TM9SF2: variants seen among roughly 807,000 people sequenced by gnomAD.
The protein encoded by TM9SF2 is transmembrane 9 superfamily member 2, also known as 76 kDa membrane protein.
In TM9SF2, 13 loss-of-function variants were observed where a neutral mutation model predicts 84.9. The ratio of observed to expected loss-of-function variants is 0.15; its 90% CI spans 0.10 to 0.24. TM9SF2 has a LOEUF of 0.24. Ranked by LOEUF, TM9SF2 falls within the 10% of genes least tolerant of loss-of-function variation. TM9SF2 has a pLI of 1.00. For synonymous variants in TM9SF2, 273 were observed against 285.8 expected (o/e 0.96, Z 0.45); for missense variants, 562 against 818.5 (o/e 0.69, Z 3.82).
intron 1 of TM9SF2, among the ~76,000 whole-genome samples, chr13:99,505,446 C>T (rs1314913057): frequency 1.3e-5 from 2 of 152,212 alleles, no homozygotes; most frequent in Non-Finnish European, 2.9e-5. Context: ...TGAGCCACCA[C>T]GCCCAGCCTG....
At chr13:99,525,421 T>C (rs1004269923) in intron 3 of TM9SF2, among the ~76,000 whole-genome samples, 2 of 152,112 alleles carry the variant, frequency 1.3e-5, no homozygotes, top group South Asian at 2.1e-4. Flanking sequence ...TTTGTATTTT[T>C]AGTAGGGACA....
At chr13:99,540,017 G>C (rs2046251306) in intron 7 of TM9SF2, among the ~76,000 whole-genome samples, 1 of 152,024 alleles carries the variant, frequency 6.6e-6, no homozygotes, top group Non-Finnish European at 1.5e-5. Context: ...GAGAATCTTA[G>C]TATTCTACCT....
In TM9SF2 at chr13:99,517,525, A is replaced by G. The variant is rs938572194; in HGVS notation, c.172-89A>G. 56 of 770,746 alleles carry G rather than the reference A, an allele frequency of 7.3e-5. No homozygotes were observed. The Admixed American group carries it at 1.6e-3, about 23-fold the overall frequency. The allele number at this position is 770,746 out of a possible 1,614,324, so 47.7% of individuals were successfully genotyped here. A position where few individuals can be genotyped will look rare whatever the true frequency, so the allele number is the denominator to read the frequency against. ...GGAATTATAACATTTTACATTTCAG[A>G]CATGTCAAATTCTTTTTTAATTCTA... is the stretch of plus-strand genomic sequence containing the variant. On this transcript the variant is annotated intron_variant, in intron 1 of 16. Transcript: ENST00000376387.
chr13:99,532,512 A>C (rs1206887207), intron 4 of TM9SF2, among the ~76,000 whole-genome samples: 3 of 151,990 alleles, frequency 2.0e-5, no homozygotes, highest in Non-Finnish European at 4.4e-5. Flanking sequence ...CAACATGGCG[A>C]AACCCCATCT....
At chr13:99,516,502 T>C (rs1306881783) in intron 1 of TM9SF2, among the ~76,000 whole-genome samples, 1 of 152,234 alleles carries the variant, frequency 6.6e-6, no homozygotes, top group East Asian at 1.9e-4. Flanking sequence ...TGCTGGCTTC[T>C]TCAGCTAGTA....
intron 10 of TM9SF2, among the ~76,000 whole-genome samples, chr13:99,545,957 A>C (rs1009983412): frequency 6.6e-6 from 1 of 152,228 alleles, no homozygotes; most frequent in Non-Finnish European, 1.5e-5. Context: ...TAAGGAAGGA[A>C]AGTTTCAGAG....
chr13:99,521,931 T>G (rs1384990653), intron 3 of TM9SF2, among the ~76,000 whole-genome samples: 2 of 152,192 alleles, frequency 1.3e-5, no homozygotes, highest in African/African-American at 2.4e-5. Context: ...TGTCCTGAAC[T>G]TCTGGCTTCA....
rs377443220 is a variant in TM9SF2, at chr13:99,529,506, A to G, written c.373A>G (p.Thr125Ala). The change falls in exon 4 of 17, where the codon ACA becomes GCA. Residue 125 changes from threonine (T) to alanine (A), a missense_variant. Coordinates refer to ENST00000376387, the MANE Select transcript of TM9SF2 (RefSeq NM_004800.3). ...GAAGGAGACCTGTAAGCTTGTTTGT[A>G]CAAAAACATACCATACAGAGAAAGC... ...NKKETCKLVC[T>A]KTYHTEKAED... The G allele has an allele frequency of 5.1e-5, 81 of 1,591,814 alleles. 1 individual carries two copies. In the South Asian group the frequency reaches 6.6e-4, roughly 13 times the overall value.
intron 15 of TM9SF2, among the ~76,000 whole-genome samples, chr13:99,559,016 T>C (rs560723003): frequency 1.3e-5 from 2 of 152,370 alleles, no homozygotes; most frequent in East Asian, 1.9e-4. Context: ...GTAGTATTAA[T>C]GTCGAGCCCT....
At chr13:99,542,916 A>G (rs186928590) in intron 9 of TM9SF2, among the ~76,000 whole-genome samples, 87 of 152,232 alleles carry the variant, frequency 5.7e-4, no homozygotes, top group Admixed American at 3.9e-3. Flanking sequence ...CAGAAGTCAG[A>G]TCATTTCACT....
At chr13:99,528,314 C>T (rs2139086859) in intron 3 of TM9SF2, among the ~76,000 whole-genome samples, 1 of 152,300 alleles carries the variant, frequency 6.6e-6, no homozygotes, top group Middle Eastern at 3.4e-3. Context: ...AGTTGTGTGA[C>T]TTGGTGCTCC....
intron 3 of TM9SF2, among the ~76,000 whole-genome samples, chr13:99,528,794 C>T (rs2046195272): frequency 6.6e-6 from 1 of 152,208 alleles, no homozygotes; most frequent in Non-Finnish European, 1.5e-5. Context: ...AGCTGCTTCA[C>T]TGCACCTGCT....
chr13:99,504,764 C>T (rs2046081550), intron 1 of TM9SF2, among the ~76,000 whole-genome samples: 1 of 152,146 alleles, frequency 6.6e-6, no homozygotes, highest in Non-Finnish European at 1.5e-5. Context: ...TCATGGCCTC[C>T]TTTTTTTAAC....
At chr13:99,516,585 G>T (rs1392910866) in intron 1 of TM9SF2, among the ~76,000 whole-genome samples, 1 of 152,144 alleles carries the variant, frequency 6.6e-6, no homozygotes, top group African/African-American at 2.4e-5. Flanking sequence ...TAGGACTTCA[G>T]CTACACCTGG....
At chr13:99,529,831 A>T (rs977472265) in intron 4 of TM9SF2, among the ~76,000 whole-genome samples, 1 of 152,214 alleles carries the variant, frequency 6.6e-6, no homozygotes, top group African/African-American at 2.4e-5. Context: ...TTCTTTTGAT[A>T]CATAGATCTG....
At chr13:99,560,570 C>T (rs1271069321) in intron 16 of TM9SF2, among the ~76,000 whole-genome samples, 4 of 152,178 alleles carry the variant, frequency 2.6e-5, no homozygotes, top group African/African-American at 9.7e-5. Context: ...TAATTTATTC[C>T]TAGCCTACAC....
At chr13:99,543,111 T>C (rs2139100283) in intron 9 of TM9SF2, among the ~76,000 whole-genome samples, 1 of 152,338 alleles carries the variant, frequency 6.6e-6, no homozygotes, top group South Asian at 2.1e-4. Context: ...CTGTTTTATC[T>C]GCTAAGAAGG....
At position 99,539,510 on chromosome 13, in the gene TM9SF2, G is replaced by T. The variant is rs1434656642; in HGVS notation, c.781G>T (p.Ala261Ser). 1 of 1,613,798 alleles carries T rather than the reference G, an allele frequency of 6.2e-7. No individual in the cohort carries two copies. The highest frequency in any genetic ancestry group is 8.5e-7 in the Non-Finnish European group (1 of 1,179,774). ...SGPPMDISNK[A>S]SGEIKIAYTY... Reference sequence around the variant, plus strand: ...GCCCCCCATGGACATAAGTAACAAGGCTTCTGGGGAGATAAAAATTGCCTA... The same window carrying T: ...GCCCCCCATGGACATAAGTAACAAGTCTTCTGGGGAGATAAAAATTGCCTA... The change falls in exon 7 of 17, where the codon GCT becomes TCT. Residue 261 changes from alanine (A) to serine (S), a missense_variant. Around this residue, in one of 4 missense-constraint regions of TM9SF2, gnomAD observed 219 missense variants for 338.1 expected, o/e 0.65. Transcript: ENST00000376387.
At chr13:99,509,726 G>A (rs564414134) in intron 1 of TM9SF2, among the ~76,000 whole-genome samples, 24 of 152,278 alleles carry the variant, frequency 1.6e-4, no homozygotes, top group African/African-American at 5.8e-4. Context: ...TGCTGCAAAG[G>A]TCTCTGAAAT....
Sources: allele counts gnomAD v4.1 joint callset (sites outside exome capture counted in the v4.1 genomes callset), GRCh38; gene constraint gnomAD v4.1.1; regional missense constraint gnomAD v4.1.1; transcripts MANE v1.5; gene names NCBI Gene and HGNC (gene_info 2026-07-23, HGNC 2026-07-21).